GNAI1: variants seen among roughly 807,000 people sequenced by gnomAD.
The protein encoded by GNAI1 is guanine nucleotide-binding protein G(i) subunit alpha-1.
GNAI1 carries 11 observed loss-of-function variants against 38.9 expected under a neutral mutation model. That is an observed-to-expected ratio of 0.28 (90% CI 0.18 to 0.47). GNAI1 has a LOEUF of 0.47. Among genes scored for constraint, GNAI1 ranks in the 20% least tolerant of loss-of-function variants. GNAI1 has a pLI of 0.99. For synonymous variants in GNAI1, 166 were observed against 145.1 expected, an observed-to-expected ratio of 1.14 and a Z score of -1.04; for missense variants, 317 against 436.9, an observed-to-expected ratio of 0.73 and a Z score of 2.45.
rs1788998732 is a variant in GNAI1, at chr7:80,217,748, A to G, written c.*255A>G. ...GCTCTAGTATATTGATGATTTCTGC[A>G]TAAGTGTAAATATGCAAATGTATGT... On this transcript the variant is annotated 3_prime_UTR_variant, in exon 8 of 8. Transcript: ENST00000649796. 3.9e-6 allele frequency: 1 copy of G among 259,130 alleles called. No homozygotes were observed. The highest frequency in any genetic ancestry group is 7.3e-6 in the Non-Finnish European group (1 of 137,424). The allele number at this position is 259,130 out of a possible 1,614,324, so 16.1% of individuals were successfully genotyped here.
At chr7:80,190,404 TC>T (rs1788461645) in intron 3 of GNAI1, among the ~76,000 whole-genome samples, 1 of 152,110 alleles carries the variant, frequency 6.6e-6, no homozygotes, top group Non-Finnish European at 1.5e-5. Context: ...TATCATTTAT[TC>T]AGCAAACTTT....
At position 80,138,767 on chromosome 7, in the gene GNAI1, T is replaced by C. The variant is rs1787471033; in HGVS notation, c.118+3489T>C. Among the ~76,000 whole-genome samples, 3 of 152,250 alleles carry C rather than the reference T, an allele frequency of 2.0e-5. No individual in the cohort carries two copies. The South Asian group carries it at 6.2e-4, about 32-fold the overall frequency. On this transcript the variant is annotated intron_variant, in intron 1 of 7. Coordinates refer to ENST00000649796, the MANE Select transcript of GNAI1 (RefSeq NM_002069.6). The stretch of plus-strand genomic sequence containing the variant: ...TATTCTCATTTATTCCACCTCACTG[T>C]CCTTCCTTCCGCTCCACTCCCCCTC...
chr7:80,167,013 A>G (rs1788021695), intron 1 of GNAI1, among the ~76,000 whole-genome samples: 1 of 152,224 alleles, frequency 6.6e-6, no homozygotes. Flanking sequence ...ATCATTATAA[A>G]TAATAGCCAG....
chr7:80,152,355 A>G (rs938918784), intron 1 of GNAI1, among the ~76,000 whole-genome samples: 5 of 152,182 alleles, frequency 3.3e-5, no homozygotes, highest in African/African-American at 1.2e-4. Context: ...AAATTAATGA[A>G]CAATTATATC....
At chr7:80,147,482 CT>C (rs1420380919) in intron 1 of GNAI1, among the ~76,000 whole-genome samples, 1 of 152,014 alleles carries the variant, frequency 6.6e-6, no homozygotes, top group African/African-American at 2.4e-5. Flanking sequence ...TTCTGGCCCC[CT>C]GATGCGATCT....
Position 80,212,726 on chromosome 7 carries a change from A to G in GNAI1, c.731A>G (p.His244Arg). 2 of 1,534,220 alleles carry G rather than the reference A, an allele frequency of 1.3e-6. No individual in the cohort carries two copies. Among genetic ancestry groups the G allele is most frequent in the Non-Finnish European group, 1.7e-6 (2 of 1,148,828 alleles). Residue 244 changes from histidine to arginine, a missense_variant, in exon 7 of 8, where the codon CAT (histidine) becomes CGT (arginine). Physicochemically the swap from His to Arg is conservative, Grantham distance 29. Transcript: ENST00000649796. ...LAEDEEMNRM[H>R]ESMKLFDSIC... Reference sequence around the variant, plus strand: ...TTTTTTCTATTACAGAACCGAATGCATGAAAGCATGAAATTGTTTGACAGC... The same window carrying G: ...TTTTTTCTATTACAGAACCGAATGCGTGAAAGCATGAAATTGTTTGACAGC...
At position 80,224,920 on chromosome 7, in the gene GNAI1, G is replaced by T. The variant is rs1789134234; in HGVS notation, c.*7427G>T. 6.6e-6 allele frequency among the ~76,000 whole-genome samples: 1 copy of T among 152,074 alleles called. No homozygotes were observed. Among genetic ancestry groups the T allele is most frequent in the Admixed American group, 6.5e-5 (1 of 15,278 alleles). ...GTGGTTTTGGAAAATAGGTACTCAT[G>T]TGTCTTTGCATTATATTTGTATTTG... On this transcript the variant is annotated 3_prime_UTR_variant, in exon 8 of 8. Coordinates refer to ENST00000649796, the MANE Select transcript of GNAI1 (RefSeq NM_002069.6).
chr7:80,185,322 A>G (rs890727468), intron 1 of GNAI1, among the ~76,000 whole-genome samples: 4 of 152,154 alleles, frequency 2.6e-5, no homozygotes, highest in Non-Finnish European at 4.4e-5. Flanking sequence ...GGTTGTTCCT[A>G]TAGATAGTAT....
chr7:80,208,959 C>T (rs927488597), intron 5 of GNAI1, among the ~76,000 whole-genome samples: 2 of 152,146 alleles, frequency 1.3e-5, no homozygotes, highest in Non-Finnish European at 1.5e-5. Context: ...GCTCCTTTAA[C>T]GTTTGTATAT....
At chr7:80,202,392 G>C (rs1339207285) in intron 4 of GNAI1, among the ~76,000 whole-genome samples, 1 of 152,138 alleles carries the variant, frequency 6.6e-6, no homozygotes, top group African/African-American at 2.4e-5. Flanking sequence ...CTGGCGAACT[G>C]TAACGGTTTT....
chr7:80,184,120 G>A (rs1020390385), intron 1 of GNAI1, among the ~76,000 whole-genome samples: 3 of 152,160 alleles, frequency 2.0e-5, no homozygotes, highest in Admixed American at 6.5e-5. Flanking sequence ...TACCAGTAGC[G>A]AATCTGATGC....
chr7:80,194,066 A>G (rs1185093272), intron 3 of GNAI1, among the ~76,000 whole-genome samples: 1 of 152,176 alleles, frequency 6.6e-6, no homozygotes, highest in East Asian at 1.9e-4. Flanking sequence ...CGGATTTGCT[A>G]GATTGTCTTT....
intron 1 of GNAI1, among the ~76,000 whole-genome samples, chr7:80,155,780 G>T (rs145280109): frequency 5.3e-5 from 8 of 152,024 alleles, no homozygotes; most frequent in Non-Finnish European, 8.8e-5. Context: ...AAAACTGCTG[G>T]GCATGGTGGC....
chr7:80,170,435 T>G (rs1788082355), intron 1 of GNAI1, among the ~76,000 whole-genome samples: 1 of 152,180 alleles, frequency 6.6e-6, no homozygotes, highest in South Asian at 2.1e-4. Context: ...CTCTGAAAAC[T>G]CAAGTGTACA....
Position 80,225,370 on chromosome 7 carries a change from A to G in GNAI1, c.*7877A>G, listed in dbSNP as rs945945700. Among the ~76,000 whole-genome samples, 1 of 152,184 alleles carries G rather than the reference A, an allele frequency of 6.6e-6. No homozygotes were observed. The highest frequency in any genetic ancestry group is 2.4e-5 in the African/African-American group (1 of 41,440). ...GGAGTTGACCCTTCAAGATACTGGAAAATTATTAAATCCAGTTTACAGACT... is the reference window on the plus strand; with the variant it reads ...GGAGTTGACCCTTCAAGATACTGGAGAATTATTAAATCCAGTTTACAGACT... On this transcript the variant is annotated 3_prime_UTR_variant, in exon 8 of 8. Transcript: ENST00000649796.
chr7:80,135,795 G>A, intron 1 of GNAI1: 1 of 985,800 alleles, frequency 1.0e-6, no homozygotes, highest in Non-Finnish European at 1.2e-6. Flanking sequence ...AGATGGGGCT[G>A]AAGCGTCTTT....
chr7:80,140,415 A>G (rs1472523071), intron 1 of GNAI1, among the ~76,000 whole-genome samples: 1 of 152,258 alleles, frequency 6.6e-6, no homozygotes, highest in Non-Finnish European at 1.5e-5. Flanking sequence ...TTAAACAGAA[A>G]TTGTGTATTC....
At chr7:80,207,866 C>A (rs921269249) in intron 5 of GNAI1, among the ~76,000 whole-genome samples, 4 of 152,022 alleles carry the variant, frequency 2.6e-5, no homozygotes, top group African/African-American at 9.7e-5. Context: ...TGGCCAGTGT[C>A]TATGTGGATC....
At chr7:80,156,632 C>T (rs937470747) in intron 1 of GNAI1, among the ~76,000 whole-genome samples, 1 of 152,088 alleles carries the variant, frequency 6.6e-6, no homozygotes, top group African/African-American at 2.4e-5. Flanking sequence ...TGGTATCTTG[C>T]TCTGTTTCCC....
Sources: gnomAD v4.1 joint callset for allele counts (sites outside exome capture counted in the v4.1 genomes callset) on GRCh38, gnomAD v4.1.1 for gene constraint, MANE v1.5 for transcripts, NCBI Gene and HGNC (gene_info 2026-07-23, HGNC 2026-07-21) for gene names.